The following IPPK variants were observed in gnomAD, a reference collection of about 807,000 sequenced individuals.
The protein encoded by IPPK is IPK1 homolog.
In IPPK, 22 loss-of-function variants were observed where a neutral mutation model predicts 64.6. That is an observed-to-expected ratio of 0.34 (90% CI 0.24 to 0.49). IPPK has a LOEUF of 0.49. IPPK is among the 20% of genes least tolerant of loss of function. The pLI is 0.99. For missense variants in IPPK, 532 were observed against 630.7 expected (o/e 0.84, Z 1.68); for synonymous variants, 262 against 247.2 (o/e 1.06, Z -0.56).
chr9:92,661,863 G>A (rs1852491529), intron 1 of IPPK, among the ~76,000 whole-genome samples: 1 of 152,246 alleles, frequency 6.6e-6, no homozygotes, highest in Admixed American at 6.5e-5. Context: ...GCTGGCCGAG[G>A]TGGGTGGTCC....
At chr9:92,629,088 GTC>G (rs1851785900) in intron 11 of IPPK, among the ~76,000 whole-genome samples, 1 of 151,762 alleles carries the variant, frequency 6.6e-6, no homozygotes, top group Admixed American at 6.6e-5. Context: ...ACCCGACCCT[GTC>G]TCTGAAAAAA....
At chr9:92,649,601 G>A in intron 4 of IPPK, 27 bp from the exon 5 acceptor site, 1 of 1,612,874 alleles carries the variant, frequency 6.2e-7, no homozygotes, top group Non-Finnish European at 8.5e-7. Flanking sequence ...GGGTCACACA[G>A]AGCAAGGTCA....
intron 2 of IPPK, among the ~76,000 whole-genome samples, chr9:92,657,156 C>G (rs946040062): frequency 5.9e-5 from 9 of 152,158 alleles, no homozygotes; most frequent in Admixed American, 5.2e-4. Context: ...TCAAGACCAG[C>G]CTGGTCAACA....
intron 12 of IPPK, chr9:92,618,073 C>T (rs1449631199): frequency 5.5e-6 from 2 of 363,766 alleles, no homozygotes; most frequent in African/African-American, 2.1e-5. Context: ...TGTCCCTAGG[C>T]CTCTAGAGCA....
rs192490641 is a variant in IPPK, at chr9:92,634,842, C to T, written c.1067+316G>A. Among the ~76,000 whole-genome samples, 86 of 152,364 alleles carry T rather than the reference C, an allele frequency of 5.6e-4. 1 individual carries two copies. The highest frequency in any genetic ancestry group is 1.7e-3 in the African/African-American group (72 of 41,586). ...AAGCCCAGGACAGAGGCTGGGCTGA[C>T]ACAGAACGACCTGCAGGAGCGCTGC... On this transcript the variant is annotated intron_variant, in intron 10 of 12. Coordinates refer to ENST00000287996, the MANE Select transcript of IPPK (RefSeq NM_022755.6).
intron 3 of IPPK, among the ~76,000 whole-genome samples, chr9:92,655,621 G>A (rs1468961834): frequency 2.0e-5 from 3 of 152,076 alleles, no homozygotes; most frequent in African/African-American, 7.2e-5. Context: ...GGCCAACAAG[G>A]GCCATCACCA....
intron 1 of IPPK, among the ~76,000 whole-genome samples, chr9:92,669,424 A>C (rs1413791481): frequency 6.6e-6 from 1 of 152,212 alleles, no homozygotes; most frequent in Non-Finnish European, 1.5e-5. Flanking sequence ...CCGTAGTCTC[A>C]CGAGGCTGAA....
intron 11 of IPPK, among the ~76,000 whole-genome samples, chr9:92,633,979 T>C (rs1031119480): frequency 6.6e-6 from 1 of 152,222 alleles, no homozygotes; most frequent in Non-Finnish European, 1.5e-5. Flanking sequence ...GCCTCGGTTC[T>C]AAGGGAAGGA....
chr9:92,619,861 AG>A (rs1238688167), intron 11 of IPPK: 2 of 430,662 alleles, frequency 4.6e-6, no homozygotes, highest in Non-Finnish European at 8.7e-6. Context: ...GTCTTCAGCA[AG>A]GTCACCACAG....
At chr9:92,621,011 C>A (rs572869338) in intron 11 of IPPK, among the ~76,000 whole-genome samples, 2 of 152,356 alleles carry the variant, frequency 1.3e-5, no homozygotes, top group East Asian at 3.9e-4. Flanking sequence ...GATCTGCTAT[C>A]TGGCGAGAGC....
At chr9:92,640,905 G>A in intron 7 of IPPK, 123 bp from the exon 8 acceptor site, 1 of 712,594 alleles carries the variant, frequency 1.4e-6, no homozygotes, top group Non-Finnish European at 2.5e-6. Context: ...GAAACCCAGA[G>A]TCCAACTAGG....
chr9:92,613,448 C>A lies in IPPK; in HGVS notation c.*2384G>T, dbSNP rs1475563288. The A allele has an allele frequency of 4.6e-5, 15 of 327,350 alleles. No homozygotes were observed. In the East Asian group the frequency reaches 5.2e-4, roughly 11 times the overall value. The allele number at this position is 327,350 out of a possible 1,614,324, so 20.3% of individuals were successfully genotyped here. A position where few individuals can be genotyped will look rare whatever the true frequency, so the allele number is the denominator to read the frequency against. ...ATGTGTGGGGAGGATCCATCCCCCA[C>A]CCACTGCAGCCTCACACCGAGTCCA... is the stretch of plus-strand genomic sequence containing the variant. On this transcript the variant is annotated 3_prime_UTR_variant, in exon 13 of 13. Transcript: ENST00000287996.
At chr9:92,617,373 C>T (rs1048627057) in intron 12 of IPPK, 12 of 152,352 alleles carry the variant, frequency 7.9e-5, no homozygotes, top group Admixed American at 7.9e-4. Context: ...GGTGTAAAGA[C>T]AGGAAGGATG....
chr9:92,645,969 GTA>G (rs1317776185), intron 6 of IPPK, among the ~76,000 whole-genome samples: 1 of 151,734 alleles, frequency 6.6e-6, no homozygotes, highest in African/African-American at 2.4e-5. Flanking sequence ...ATAAAAGAAG[GTA>G]TAAACACATT....
intron 11 of IPPK, chr9:92,620,510 T>C (rs1851596541): frequency 1.3e-5 from 2 of 152,194 alleles, no homozygotes. Flanking sequence ...TTCACAAAAA[T>C]AAACAGTTGT....
chr9:92,663,028 C>T (rs559456956), intron 1 of IPPK, among the ~76,000 whole-genome samples: 1 of 152,284 alleles, frequency 6.6e-6, no homozygotes, highest in South Asian at 2.1e-4. Context: ...ACACTGGGAA[C>T]ACGTGAGCAC....
At chr9:92,648,851 AG>A (rs1852200350) in intron 5 of IPPK, among the ~76,000 whole-genome samples, 1 of 152,308 alleles carries the variant, frequency 6.6e-6, no homozygotes, top group Middle Eastern at 3.4e-3. Context: ...AGCTGAAGCA[AG>A]GGGGGCCCTG....
chr9:92,642,438 G>C (rs1236174233), intron 7 of IPPK, among the ~76,000 whole-genome samples: 1 of 152,252 alleles, frequency 6.6e-6, no homozygotes, highest in Non-Finnish European at 1.5e-5. Flanking sequence ...CAAACTATGA[G>C]GGCCCAGACG....
intron 1 of IPPK, among the ~76,000 whole-genome samples, chr9:92,667,103 T>C (rs1852615576): frequency 6.6e-6 from 1 of 152,186 alleles, no homozygotes; most frequent in Admixed American, 6.5e-5. Flanking sequence ...CAGGACTCAT[T>C]AGGGACCTTT....
Sources: allele counts gnomAD v4.1 joint callset (sites outside exome capture counted in the v4.1 genomes callset), GRCh38; gene constraint gnomAD v4.1.1; transcripts MANE v1.5; gene names NCBI Gene and HGNC (gene_info 2026-07-23, HGNC 2026-07-21).